The following CACNA1C variants were observed in gnomAD, a reference collection of about 807,000 sequenced individuals.
The protein encoded by CACNA1C is calcium voltage-gated channel subunit alpha1 C.
In CACNA1C, 30 loss-of-function variants were observed where a neutral mutation model predicts 229.0. That is an observed-to-expected ratio of 0.13 (90% confidence interval 0.10 to 0.18). CACNA1C has a LOEUF of 0.18. Ranked by LOEUF, CACNA1C falls within the 10% of genes least tolerant of loss-of-function variation. The pLI is 1.00. For synonymous variants in CACNA1C, 1,114 were observed against 1,132.5 expected (o/e 0.98, Z 0.33); for missense variants, 1,658 against 2,845.0 (o/e 0.58, Z 9.49).
intron 27 of CACNA1C, among the ~76,000 whole-genome samples, 199 bp from the exon 28 acceptor site, chr12:2,610,342 G>A (rs1445933628): frequency 6.6e-6 from 1 of 152,104 alleles, no homozygotes; most frequent in African/African-American, 2.4e-5. Context: ...TGATTAAGGG[G>A]GCCATGGAAA....
At chr12:2,596,076 A>G (rs2068026579) in intron 20 of CACNA1C, 73 bp downstream of exon 20, 2 of 1,439,660 alleles carry the variant, frequency 1.4e-6, no homozygotes, top group Non-Finnish European at 1.9e-6. Context: ...TGTTGCTGAC[A>G]TCATTGTTCA....
intron 3 of CACNA1C, among the ~76,000 whole-genome samples, chr12:2,256,123 G>A (rs971305607): frequency 7.2e-6 from 1 of 138,004 alleles, no homozygotes; most frequent in African/African-American, 2.7e-5. Flanking sequence ...CACAACTCAG[G>A]GATGGGGTAG....
chr12:2,282,687 G>A (rs1342722722), intron 3 of CACNA1C, among the ~76,000 whole-genome samples: 1 of 152,182 alleles, frequency 6.6e-6, no homozygotes, highest in Non-Finnish European at 1.5e-5. Context: ...GCTGCGGCAG[G>A]TCTCAGCAGA....
rs1468737854 is a variant in CACNA1C at position 2,692,571 on chromosome 12, T to C, written c.*1372T>C. 2.6e-5 allele frequency: 4 copies of C among 152,648 alleles called. No homozygotes were observed. The highest frequency in any genetic ancestry group is 7.2e-5 in the African/African-American group (3 of 41,452). 9.5% of individuals were successfully genotyped at this position (152,648 alleles called of 1,614,324 possible). The stretch of plus-strand genomic sequence containing the variant: ...TCTGAAACGGGAATCAGTAACTCTT[T>C]GCATTTTCTGTCCCACAAGATATGC... On this transcript the variant is annotated 3_prime_UTR_variant, in exon 47 of 47. Transcript: ENST00000399655.
intron 9 of CACNA1C, among the ~76,000 whole-genome samples, chr12:2,523,080 G>C (rs12426831): frequency 0.092 from 12,140 of 132,236 alleles, 561 homozygotes; most frequent in Non-Finnish European, 0.11. Context: ...TGCATTTATC[G>C]CTTCAGCCTA....
At chr12:2,274,381 GA>G in intron 3 of CACNA1C, among the ~76,000 whole-genome samples, 1 of 152,314 alleles carries the variant, frequency 6.6e-6, no homozygotes, top group South Asian at 2.1e-4. Flanking sequence ...GCATGATCTG[GA>G]AAAGGGAAGG....
intron 34 of CACNA1C, among the ~76,000 whole-genome samples, chr12:2,657,733 C>A (rs216051): frequency 0.29 from 44,646 of 151,912 alleles, 7,944 homozygotes; most frequent in African/African-American, 0.51. Flanking sequence ...TTTATAACAG[C>A]TACAGTAAAA....
chr12:2,279,844 T>G (rs1330336442), intron 3 of CACNA1C, among the ~76,000 whole-genome samples: 1 of 152,216 alleles, frequency 6.6e-6, no homozygotes, highest in Non-Finnish European at 1.5e-5. Flanking sequence ...TATGGAGGGA[T>G]GTGGATAGGT....
intron 3 of CACNA1C, among the ~76,000 whole-genome samples, chr12:2,227,891 T>C (rs539980962): frequency 1.3e-5 from 2 of 152,318 alleles, no homozygotes; most frequent in African/African-American, 4.8e-5. Context: ...GATGGACATA[T>C]GGTAATTATT....
chr12:2,070,576 T>G (rs1185172764), intron 1 of CACNA1C, among the ~76,000 whole-genome samples: 1 of 152,240 alleles, frequency 6.6e-6, no homozygotes, highest in African/African-American at 2.4e-5. Context: ...CAGTTATCTT[T>G]CTTCAGCAGT....
At chr12:2,556,827 A>C (rs187301351) in intron 10 of CACNA1C, 124 bp from the exon 11 acceptor site, 10 of 784,134 alleles carry the variant, frequency 1.3e-5, no homozygotes, top group Admixed American at 5.6e-5. Context: ...AGTTCACACC[A>C]TGCCTCCTTC....
chr12:2,322,752 T>G (rs2096072185), intron 3 of CACNA1C, among the ~76,000 whole-genome samples: 1 of 152,244 alleles, frequency 6.6e-6, no homozygotes, highest in South Asian at 2.1e-4. Flanking sequence ...CCTGCCAGCT[T>G]GCCTGGGCTC....
intron 3 of CACNA1C, among the ~76,000 whole-genome samples, chr12:2,143,039 T>C (rs1031787116): frequency 2.0e-5 from 3 of 150,934 alleles, no homozygotes; most frequent in African/African-American, 7.3e-5. Flanking sequence ...GCAATGGTGC[T>C]ATCTTGGCTC....
intron 3 of CACNA1C, among the ~76,000 whole-genome samples, chr12:2,268,800 A>C (rs2083494573): frequency 6.6e-6 from 1 of 152,188 alleles, no homozygotes; most frequent in Non-Finnish European, 1.5e-5. Flanking sequence ...TTAGTTCCGG[A>C]AGAGGCAAGG....
At chr12:2,394,292 A>G (rs552063582) in intron 3 of CACNA1C, among the ~76,000 whole-genome samples, 1 of 152,330 alleles carries the variant, frequency 6.6e-6, no homozygotes, top group South Asian at 2.1e-4. Flanking sequence ...CCTGGCCCAC[A>G]GGAGAAACTT....
chr12:2,056,849 TC>T lies in CACNA1C; in HGVS notation c.49+3240del, dbSNP rs769304820. On this transcript the variant is annotated intron_variant, in intron 1 of 46. Transcript: ENST00000399655. ...TAAAAAGAGTCAATTTTTCATTATT[TC>T]CATAGAATACACACTAACAGTATTT... is the stretch of plus-strand genomic sequence containing the variant. 2.0e-5 allele frequency among the ~76,000 whole-genome samples: 3 copies of T among 152,226 alleles called. No homozygotes were observed. In the East Asian group the frequency reaches 5.8e-4, roughly 29 times the overall value.
intron 1 of CACNA1C, among the ~76,000 whole-genome samples, chr12:2,030,504 G>A (rs1031256018): frequency 6.6e-6 from 1 of 152,096 alleles, no homozygotes; most frequent in African/African-American, 2.4e-5. Context: ...GGGCTGTGCT[G>A]AGGAAGTAGC....
intron 1 of CACNA1C, among the ~76,000 whole-genome samples, chr12:1,993,961 C>G (rs1324626329): frequency 6.6e-6 from 1 of 152,130 alleles, no homozygotes; most frequent in Non-Finnish European, 1.5e-5. Context: ...CATAACAGTG[C>G]AAAGGGCAGA....
chr12:2,591,773 G>T (rs2065456074), intron 18 of CACNA1C, among the ~76,000 whole-genome samples: 1 of 151,748 alleles, frequency 6.6e-6, no homozygotes, highest in African/African-American at 2.4e-5. Flanking sequence ...TCTAGAGGCT[G>T]GAAGTCCAAA....
Sources: gnomAD v4.1 joint callset for allele counts (sites outside exome capture counted in the v4.1 genomes callset) on GRCh38, gnomAD v4.1.1 for gene constraint, MANE v1.5 for transcripts, NCBI Gene and HGNC (gene_info 2026-07-23, HGNC 2026-07-21) for gene names.